Variants in KDM4C observed in about 807,000 individuals in gnomAD.
The protein encoded by KDM4C is lysine demethylase 4C, also known as lysine-specific demethylase 4C.
KDM4C carries 81 observed loss-of-function variants against 129.3 expected under a neutral mutation model. The observed-to-expected ratio is 0.63, with a 90% CI of 0.52 to 0.75. The LOEUF is 0.75. KDM4C is among the 30% of genes least tolerant of loss of function. The probability of loss-of-function intolerance (pLI) is 0.00; values close to 1 mark genes in which losing one functional copy is unlikely to be tolerated. For missense variants in KDM4C, 1,457 were observed against 1,304.0 expected (o/e 1.12, Z -1.81); for synonymous variants, 573 against 456.1 (o/e 1.26, Z -3.26).
chr9:6,956,770 C>T (rs1829137525), intron 8 of KDM4C, among the ~76,000 whole-genome samples: 1 of 152,208 alleles, frequency 6.6e-6, no homozygotes, highest in Non-Finnish European at 1.5e-5. Flanking sequence ...GTCTGTGCAG[C>T]TTAGGTGATT....
At chr9:7,127,334 G>C (rs1840127593) in intron 18 of KDM4C, among the ~76,000 whole-genome samples, 1 of 152,072 alleles carries the variant, frequency 6.6e-6, no homozygotes, top group African/African-American at 2.4e-5. Flanking sequence ...ACTTTGATCA[G>C]GATCAAAATT....
chr9:6,935,107 A>T (rs1173165522), intron 8 of KDM4C, among the ~76,000 whole-genome samples: 1 of 152,166 alleles, frequency 6.6e-6, no homozygotes, highest in Non-Finnish European at 1.5e-5. Context: ...TAGAAGAATG[A>T]GTATTGTTTA....
Position 7,033,143 on chromosome 9 carries a change from AT to A in KDM4C, c.2260-13702del, listed in dbSNP as rs539641712. Among the ~76,000 whole-genome samples the A allele has an allele frequency of 9.9e-3, 1,364 of 137,200 alleles. 13 individuals carry two copies. Among genetic ancestry groups the A allele is most frequent in the African/African-American group, 0.022 (786 of 36,268 alleles). 90.0% of individuals were successfully genotyped at this position (137,200 alleles called of 152,430 possible). ...TTCCCTCTGATCTGTTTTATGCTGG[AT>A]TTTTTTTTTTTTTTTTAATTCCACG... On this transcript the variant is annotated intron_variant, in intron 15 of 21. Transcript: ENST00000381309.
chr9:7,130,199 G>T (rs966238442), intron 19 of KDM4C, among the ~76,000 whole-genome samples: 2 of 152,228 alleles, frequency 1.3e-5, no homozygotes, highest in Non-Finnish European at 2.9e-5. Context: ...GAACACTGTG[G>T]TGGTGGGATG....
chr9:6,847,722 T>A (rs1838110079), intron 4 of KDM4C, among the ~76,000 whole-genome samples: 2 of 152,136 alleles, frequency 1.3e-5, no homozygotes, highest in African/African-American at 2.4e-5. Flanking sequence ...TTGACCAGTT[T>A]CCAAATAACA....
At chr9:6,760,649 C>G (rs1477909881) in intron 1 of KDM4C, among the ~76,000 whole-genome samples, 1 of 151,954 alleles carries the variant, frequency 6.6e-6, no homozygotes, top group Non-Finnish European at 1.5e-5. Flanking sequence ...CTGCTCACTG[C>G]AAGCTCCGCC....
At chr9:7,077,478 T>C (rs533690408) in intron 17 of KDM4C, among the ~76,000 whole-genome samples, 1 of 152,372 alleles carries the variant, frequency 6.6e-6, no homozygotes, top group South Asian at 2.1e-4. Flanking sequence ...AGACATTGTC[T>C]AGTAATCTTC....
chr9:6,878,796 C>G, intron 5 of KDM4C, among the ~76,000 whole-genome samples: 1 of 136,954 alleles, frequency 7.3e-6, no homozygotes, highest in South Asian at 2.1e-4. Context: ...GGGACATACC[C>G]CCACACCCAC....
intron 4 of KDM4C, among the ~76,000 whole-genome samples, chr9:6,818,544 T>C (rs1045327663): frequency 1.3e-5 from 2 of 152,128 alleles, no homozygotes; most frequent in African/African-American, 4.8e-5. Flanking sequence ...GTAGGACATG[T>C]AGGAAATTGA....
At chr9:6,804,401 C>G (rs1829581017) in intron 2 of KDM4C, among the ~76,000 whole-genome samples, 1 of 152,184 alleles carries the variant, frequency 6.6e-6, no homozygotes, top group Non-Finnish European at 1.5e-5. Context: ...TTCTGGAAAG[C>G]TGGTTATTAA....
Position 6,899,004 on chromosome 9 carries a change from C to G in KDM4C, c.921+5772C>G, listed in dbSNP as rs190442524. 1.5e-3 allele frequency among the ~76,000 whole-genome samples: 229 copies of G among 150,828 alleles called. 4 individuals carry two copies. The highest frequency in any genetic ancestry group is 5.4e-3 in the African/African-American group (224 of 41,150). On this transcript the variant is annotated intron_variant, in intron 8 of 21. Transcript: ENST00000381309. ...TTCTTGGCATTTCAATTTTAAGTGT[C>G]TGACATGACATATATAATATGAACT...
At chr9:6,801,397 C>T (rs999138004) in intron 2 of KDM4C, among the ~76,000 whole-genome samples, 1 of 151,452 alleles carries the variant, frequency 6.6e-6, no homozygotes, top group Non-Finnish European at 1.5e-5. Flanking sequence ...CCATGCCCGG[C>T]TAATTTTCTG....
intron 7 of KDM4C, among the ~76,000 whole-genome samples, chr9:6,889,702 G>A (rs1845848455): frequency 6.6e-6 from 1 of 152,254 alleles, no homozygotes; most frequent in South Asian, 2.1e-4. Flanking sequence ...AGGTAGACGT[G>A]AAGGAATGCA....
At chr9:6,865,604 T>C (rs79214375) in intron 5 of KDM4C, among the ~76,000 whole-genome samples, 12,452 of 152,104 alleles carry the variant, frequency 0.082, 946 homozygotes, top group East Asian at 0.27. Flanking sequence ...TCTTGGTCTA[T>C]CACCTGGGCT....
chr9:6,816,624 A>T (rs543481628), intron 4 of KDM4C, among the ~76,000 whole-genome samples: 3 of 152,316 alleles, frequency 2.0e-5, no homozygotes, highest in African/African-American at 7.2e-5. Context: ...CATTTTTTCC[A>T]GCTTACACTT....
chr9:7,052,894 A>AGAGAGAGAGAGAGC (rs1339242817), intron 17 of KDM4C, among the ~76,000 whole-genome samples: 1,586 of 105,234 alleles, frequency 0.015, 123 homozygotes, highest in African/African-American at 0.031. Context: ...AGAGAGAGAG[A>AGAGAGAGAGAGAGC]GAGAGAGCGA....
chr9:6,901,008 AT>A (rs1817312047), intron 8 of KDM4C, among the ~76,000 whole-genome samples: 1 of 151,308 alleles, frequency 6.6e-6, no homozygotes, highest in African/African-American at 2.4e-5. Flanking sequence ...ACTTTTCCAT[AT>A]TTTTTCAGTG....
chr9:6,902,651 T>G (rs1817603257), intron 8 of KDM4C: 1 of 152,128 alleles, frequency 6.6e-6, no homozygotes, highest in African/African-American at 2.4e-5. Flanking sequence ...TGTGGGTCAT[T>G]TTTATGTCAG....
intron 19 of KDM4C, among the ~76,000 whole-genome samples, chr9:7,153,176 G>A (rs1301117225): frequency 6.6e-6 from 1 of 152,158 alleles, no homozygotes; most frequent in Non-Finnish European, 1.5e-5. Flanking sequence ...GAGCTCAAGT[G>A]ATCCTTCCAC....
Sources: allele counts gnomAD v4.1 joint callset (sites outside exome capture counted in the v4.1 genomes callset), GRCh38; gene constraint gnomAD v4.1.1; transcripts MANE v1.5; gene names NCBI Gene and HGNC (gene_info 2026-07-23, HGNC 2026-07-21).